Variants in SNTB1 observed in about 807,000 individuals in gnomAD.
The protein encoded by SNTB1 is syntrophin beta 1, also known as beta-1-syntrophin.
SNTB1 carries 36 observed loss-of-function variants against 48.9 expected under a neutral mutation model. The ratio of observed to expected loss-of-function variants is 0.74; its 90% CI spans 0.56 to 0.97. SNTB1 has a LOEUF of 0.97. SNTB1 is among the 50% of genes least tolerant of loss of function. The probability of loss-of-function intolerance (pLI) is 0.00; values close to 1 mark genes in which losing one functional copy is unlikely to be tolerated. For missense variants in SNTB1, 786 were observed against 703.4 expected, an observed-to-expected ratio of 1.12 and a Z score of -1.33; for synonymous variants, 299 against 294.6, an observed-to-expected ratio of 1.01 and a Z score of -0.15.
intron 4 of SNTB1, among the ~76,000 whole-genome samples, chr8:120,574,197 T>C (rs573327589): frequency 6.6e-6 from 1 of 152,222 alleles, no homozygotes; most frequent in African/African-American, 2.4e-5. Context: ...AGAATGGTGG[T>C]TTCCAGCGGG....
At chr8:120,654,293 A>T (rs1347635013) in intron 2 of SNTB1, among the ~76,000 whole-genome samples, 2 of 151,994 alleles carry the variant, frequency 1.3e-5, no homozygotes, top group African/African-American at 2.4e-5. Flanking sequence ...TGGAACTAGG[A>T]AAAAAGAGGG....
At chr8:120,708,734 T>C (rs1818416562) in intron 1 of SNTB1, among the ~76,000 whole-genome samples, 1 of 152,144 alleles carries the variant, frequency 6.6e-6, no homozygotes, top group South Asian at 2.1e-4. Flanking sequence ...GTGAGGAAAA[T>C]ACATTTTATA....
intron 1 of SNTB1, among the ~76,000 whole-genome samples, chr8:120,794,401 G>A (rs1820087762): frequency 6.6e-6 from 1 of 151,834 alleles, no homozygotes; most frequent in Non-Finnish European, 1.5e-5. Flanking sequence ...TCTTTCAAAT[G>A]ACTAACTAGA....
chr8:120,635,104 C>G (rs1488120890), intron 2 of SNTB1, among the ~76,000 whole-genome samples: 1 of 152,042 alleles, frequency 6.6e-6, no homozygotes, highest in African/African-American at 2.4e-5. Context: ...GCCAGTCTCC[C>G]CAATAAGATA....
intron 3 of SNTB1, among the ~76,000 whole-genome samples, chr8:120,626,225 A>G (rs1025717202): frequency 6.7e-6 from 1 of 150,322 alleles, no homozygotes; most frequent in African/African-American, 2.4e-5. Context: ...ATATATATAG[A>G]GAGAGAGAGA....
chr8:120,600,889 C>T (rs569136202), intron 3 of SNTB1, among the ~76,000 whole-genome samples: 1 of 151,884 alleles, frequency 6.6e-6, no homozygotes, highest in African/African-American at 2.4e-5. Flanking sequence ...AGATGGGGCA[C>T]AATGAGAGTC....
At chr8:120,774,452 T>C (rs1481199594) in intron 1 of SNTB1, among the ~76,000 whole-genome samples, 1 of 152,122 alleles carries the variant, frequency 6.6e-6, no homozygotes, top group Admixed American at 6.5e-5. Flanking sequence ...AGATTTGCAT[T>C]TTAGACAGAT....
At chr8:120,766,359 C>G (rs1819524718) in intron 1 of SNTB1, among the ~76,000 whole-genome samples, 1 of 152,190 alleles carries the variant, frequency 6.6e-6, no homozygotes, top group South Asian at 2.1e-4. Flanking sequence ...AAAGCCCACA[C>G]TCTTACCACC....
intron 3 of SNTB1, among the ~76,000 whole-genome samples, chr8:120,602,318 G>A (rs973953407): frequency 4.3e-4 from 66 of 152,306 alleles, no homozygotes; most frequent in Admixed American, 1.8e-3. Flanking sequence ...CTAGGCTATG[G>A]TATGCCACTG....
At position 120,537,298 on chromosome 8, in the gene SNTB1, A is replaced by T. The variant is rs190588187; in HGVS notation, c.*1579T>A. The T allele has an allele frequency of 6.6e-6, 1 of 152,294 alleles. No individual in the cohort carries two copies. The highest frequency in any genetic ancestry group is 1.9e-4 in the East Asian group (1 of 5,186). The allele number at this position is 152,294 out of a possible 1,614,324, so 9.4% of individuals were successfully genotyped here. A position where few individuals can be genotyped will look rare whatever the true frequency, so the allele number is the denominator to read the frequency against. ...AAAATCTTCAAGGAGGCAATCGTGA[A>T]ATCTATTTAACATTTTTCAGCTCAG... On this transcript the variant is annotated 3_prime_UTR_variant, in exon 7 of 7. Transcript: ENST00000517992.
chr8:120,674,356 T>C (rs763331329), intron 2 of SNTB1, among the ~76,000 whole-genome samples: 3 of 152,174 alleles, frequency 2.0e-5, no homozygotes, highest in Admixed American at 6.5e-5. Context: ...AGTCACTGGG[T>C]TGGACACTGG....
At chr8:120,777,322 G>A (rs900872753) in intron 1 of SNTB1, among the ~76,000 whole-genome samples, 1 of 152,134 alleles carries the variant, frequency 6.6e-6, no homozygotes, top group South Asian at 2.1e-4. Context: ...CCACCCAACT[G>A]AGCAGATGTT....
chr8:120,778,391 A>G (rs905957809), intron 1 of SNTB1, among the ~76,000 whole-genome samples: 1 of 152,222 alleles, frequency 6.6e-6, no homozygotes, highest in Non-Finnish European at 1.5e-5. Context: ...AAAAAGGTGG[A>G]AACTTCAGAT....
chr8:120,710,501 C>G (rs1818444843), intron 1 of SNTB1, among the ~76,000 whole-genome samples: 1 of 152,092 alleles, frequency 6.6e-6, no homozygotes, highest in Admixed American at 6.5e-5. Flanking sequence ...AGAATGCGTC[C>G]CCTCCAAAAT....
Position 120,548,745 on chromosome 8 carries a change from C to G in SNTB1, c.1333+17G>C. On this transcript the variant is annotated intron_variant, in intron 5 of 6. Coordinates refer to ENST00000517992, the MANE Select transcript of SNTB1 (RefSeq NM_021021.4). ...TCCCGTAACAATGTGTCCTTGGTAG[C>G]TCACTGCAGTACTCACCAGTGCTGA... 1 of 1,611,660 alleles carries G rather than the reference C, an allele frequency of 6.2e-7. No homozygotes were observed.
At position 120,575,214 on chromosome 8, in the gene SNTB1, CT is replaced by C. The variant is rs765487117; in HGVS notation, c.1007del (p.Glu336GlyfsTer13). The C allele has an allele frequency of 6.2e-7, 1 of 1,614,130 alleles. No individual in the cohort carries two copies. Among genetic ancestry groups the C allele is most frequent in the Admixed American group, 1.7e-5 (1 of 60,028 alleles). On this transcript the variant is annotated frameshift_variant, in exon 4 of 7. Transcript: ENST00000517992. LOFTEE classifies it high-confidence loss of function. Reference protein sequence around the residue: ...LGWLAEKVPGESKKQWKPALV... With the variant: ...LGWLAEKVPGXSKKQWKPALV... ...GGGCTGGTTTCCACTGTTTCTTGCT[CT>C]CCCCTGGCACCTGAAAAAGAAAGCA...
intron 2 of SNTB1, among the ~76,000 whole-genome samples, chr8:120,644,300 T>C (rs928827838): frequency 2.1e-5 from 3 of 142,606 alleles, no homozygotes; most frequent in Non-Finnish European, 4.6e-5. Flanking sequence ...CTCCCGAAGC[T>C]ATCCCTCCCC....
At position 120,673,558 on chromosome 8, in the gene SNTB1, T is replaced by C. The variant is rs574236882; in HGVS notation, c.788+20134A>G. Among the ~76,000 whole-genome samples, 7 of 152,234 alleles carry C rather than the reference T, an allele frequency of 4.6e-5. No individual in the cohort carries two copies. In the South Asian group the frequency reaches 1.2e-3, roughly 27 times the overall value. ...TGCCCACCTCAGCTTCCCAATATGC[T>C]GGGATTACAGGCGTAAGCTGCTGCA... On this transcript the variant is annotated intron_variant, in intron 2 of 6. Coordinates refer to ENST00000517992, the MANE Select transcript of SNTB1 (RefSeq NM_021021.4).
intron 1 of SNTB1, chr8:120,775,653 AAGGAAGGAAGTAAGGAGGGAGGG>A (rs1291340324): frequency 6.7e-6 from 1 of 149,916 alleles, no homozygotes; most frequent in Non-Finnish European, 1.5e-5. Context: ...GAAGGAAAGA[AAGGAAGGAAGTAAGGAGGGAGGG>A]AGGAAGGAAG....
Sources: allele counts gnomAD v4.1 joint callset (sites outside exome capture counted in the v4.1 genomes callset), GRCh38; gene constraint gnomAD v4.1.1; transcripts MANE v1.5; gene names NCBI Gene and HGNC (gene_info 2026-07-23, HGNC 2026-07-21).